The following KHDRBS3 variants were observed in gnomAD, a reference collection of about 807,000 sequenced individuals.
KHDRBS3 encodes the protein KH domain-containing, RNA-binding, signal transduction-associated protein 3.
A neutral mutation model predicts 45.6 loss-of-function variants in KHDRBS3; 23 were observed. The observed-to-expected ratio is 0.50, with a 90% confidence interval of 0.36 to 0.72. KHDRBS3 has a LOEUF of 0.72. Among genes scored for constraint, KHDRBS3 ranks in the 30% least tolerant of loss-of-function variants. The pLI is 0.00. For synonymous variants in KHDRBS3, 162 were observed against 156.5 expected (o/e 1.04, Z -0.26); for missense variants, 352 against 424.8 (o/e 0.83, Z 1.51).
At chr8:135,479,370 G>A (rs1822453363) in intron 1 of KHDRBS3, among the ~76,000 whole-genome samples, 1 of 152,344 alleles carries the variant, frequency 6.6e-6, no homozygotes, top group Admixed American at 6.5e-5. Context: ...TAGCAAACAT[G>A]TAAGGCAAAA....
chr8:135,572,597 A>G (rs1255073033), intron 5 of KHDRBS3, among the ~76,000 whole-genome samples: 1 of 152,242 alleles, frequency 6.6e-6, no homozygotes, highest in East Asian at 1.9e-4. Flanking sequence ...TGGTTTGCAG[A>G]CCAGCAGCAG....
chr8:135,631,294 A>G (rs943726259), intron 7 of KHDRBS3, among the ~76,000 whole-genome samples: 4 of 151,782 alleles, frequency 2.6e-5, no homozygotes, highest in African/African-American at 9.7e-5. Context: ...TCAATAATAA[A>G]TTAACAGCTT....
intron 2 of KHDRBS3, among the ~76,000 whole-genome samples, chr8:135,533,693 T>G (rs911784694): frequency 7.2e-5 from 11 of 152,316 alleles, no homozygotes; most frequent in Admixed American, 6.5e-4. Flanking sequence ...GCTGTTAAAC[T>G]GATTTGAGAT....
At chr8:135,566,602 C>T (rs998725030) in intron 5 of KHDRBS3, among the ~76,000 whole-genome samples, 1 of 152,104 alleles carries the variant, frequency 6.6e-6, no homozygotes, top group Non-Finnish European at 1.5e-5. Flanking sequence ...GACCTGAAAT[C>T]CCAGCAGTTG....
At chr8:135,536,966 C>CAAAAAAAAAAAAAAAAAAAAA (rs869256475) in intron 2 of KHDRBS3, among the ~76,000 whole-genome samples, 1 of 11,778 alleles carries the variant, frequency 8.5e-5, no homozygotes, top group African/African-American at 4.2e-4. Flanking sequence ...AACTCCATCT[C>CAAAAAAAAAAAAAAAAAAAAA]AAAAAAAAAA....
intron 1 of KHDRBS3, among the ~76,000 whole-genome samples, chr8:135,485,349 G>C (rs1822801606): frequency 6.6e-6 from 1 of 152,182 alleles, no homozygotes; most frequent in African/African-American, 2.4e-5. Context: ...CAGAATGGTA[G>C]TTTTTAAGTT....
chr8:135,498,644 G>A (rs1484455330), intron 1 of KHDRBS3, among the ~76,000 whole-genome samples: 1 of 152,130 alleles, frequency 6.6e-6, no homozygotes, highest in Admixed American at 6.5e-5. Context: ...AATGTTAGAG[G>A]CATTCAATAA....
chr8:135,599,627 AG>A (rs1829116393), intron 6 of KHDRBS3, among the ~76,000 whole-genome samples: 2 of 152,358 alleles, frequency 1.3e-5, no homozygotes, highest in African/African-American at 4.8e-5. Context: ...CCTATGTGCT[AG>A]ACACTGGGAA....
chr8:135,569,398 A>G (rs555509052), intron 5 of KHDRBS3, among the ~76,000 whole-genome samples: 20 of 152,322 alleles, frequency 1.3e-4, no homozygotes, highest in African/African-American at 3.6e-4. Flanking sequence ...GCAAATTGGC[A>G]AGATAATTAT....
At chr8:135,633,727 TG>T in intron 7 of KHDRBS3, among the ~76,000 whole-genome samples, 1 of 152,342 alleles carries the variant, frequency 6.6e-6, no homozygotes, top group East Asian at 1.9e-4. Flanking sequence ...ATTTTATTTT[TG>T]CCACAGTCCT....
intron 1 of KHDRBS3, among the ~76,000 whole-genome samples, chr8:135,513,410 T>A (rs1176009798): frequency 2.6e-5 from 4 of 152,138 alleles, no homozygotes; most frequent in Admixed American, 6.5e-5. Flanking sequence ...ATAAAAACCC[T>A]ATGGGGGGCA....
intron 1 of KHDRBS3, among the ~76,000 whole-genome samples, chr8:135,489,275 G>GTT (rs1823021642): frequency 6.6e-6 from 1 of 152,096 alleles, no homozygotes; most frequent in African/African-American, 2.4e-5. Context: ...ATTTACCACC[G>GTT]TATCTGTCAT....
chr8:135,520,061 A>G (rs896655902), intron 1 of KHDRBS3, among the ~76,000 whole-genome samples: 1 of 152,210 alleles, frequency 6.6e-6, no homozygotes, highest in Non-Finnish European at 1.5e-5. Context: ...AACCTTTGCC[A>G]TTTATTGTGA....
intron 1 of KHDRBS3, among the ~76,000 whole-genome samples, chr8:135,486,061 C>T (rs1822847317): frequency 6.6e-6 from 1 of 151,930 alleles, no homozygotes; most frequent in Admixed American, 6.6e-5. Flanking sequence ...AGTCAGCTTT[C>T]TGAGAGTGGC....
At chr8:135,492,743 CTTTG>C (rs1159313368) in intron 1 of KHDRBS3, among the ~76,000 whole-genome samples, 1 of 151,934 alleles carries the variant, frequency 6.6e-6, no homozygotes, top group Non-Finnish European at 1.5e-5. Context: ...AGTTCTTCAA[CTTTG>C]TTTTTGTTTT....
At chr8:135,596,273 C>T (rs1226126701) in intron 6 of KHDRBS3, among the ~76,000 whole-genome samples, 3 of 152,284 alleles carry the variant, frequency 2.0e-5, no homozygotes, top group African/African-American at 4.8e-5. Context: ...GAGCTTCTGC[C>T]AATTTCTAAA....
chr8:135,592,342 A>C (rs1378104920), intron 6 of KHDRBS3, among the ~76,000 whole-genome samples: 3 of 152,186 alleles, frequency 2.0e-5, no homozygotes, highest in African/African-American at 4.8e-5. Flanking sequence ...TAAGGCATGG[A>C]AAGCAAGTTG....
Position 135,474,812 on chromosome 8 carries a change from T to C in KHDRBS3, c.88+16858T>C, listed in dbSNP as rs141097113. Among the ~76,000 whole-genome samples the C allele has an allele frequency of 1.2e-3, 183 of 152,354 alleles. 2 individuals are homozygous for C. The highest frequency in any genetic ancestry group is 4.2e-3 in the African/African-American group (174 of 41,590). ...AATTGCTACAAATTTGGTGGCTTTA[T>C]GACCATGGGGTCCTGGAGCTCAGAA... is the stretch of plus-strand genomic sequence containing the variant. On this transcript the variant is annotated intron_variant, in intron 1 of 8. Transcript: ENST00000355849.
At chr8:135,532,256 G>C (rs1014352101) in intron 2 of KHDRBS3, among the ~76,000 whole-genome samples, 2 of 152,134 alleles carry the variant, frequency 1.3e-5, no homozygotes, top group African/African-American at 4.8e-5. Context: ...TGTGTTAGTG[G>C]TCAAATTATT....
Sources: allele counts gnomAD v4.1 joint callset (sites outside exome capture counted in the v4.1 genomes callset), GRCh38; gene constraint gnomAD v4.1.1; transcripts MANE v1.5; gene names NCBI Gene and HGNC (gene_info 2026-07-23, HGNC 2026-07-21).